The following CSE1L variants were observed in gnomAD, a reference collection of about 807,000 sequenced individuals.
The protein encoded by CSE1L is exportin-2.
Under a neutral mutation model 120.4 loss-of-function variants are expected in CSE1L, and 24 were observed. That is an observed-to-expected ratio of 0.20 (90% CI 0.14 to 0.28). The LOEUF is 0.28. Among genes scored for constraint, CSE1L ranks in the 10% least tolerant of loss-of-function variants. The pLI, the probability that CSE1L is intolerant of heterozygous loss-of-function variation, is 1.00. For missense variants in CSE1L, 830 were observed against 1,145.2 expected (o/e 0.72, Z 3.97); for synonymous variants, 402 against 398.3 (o/e 1.01, Z -0.11).
chr20:49,047,559 C>CTTTTTT (rs1568757225), intron 1 of CSE1L, among the ~76,000 whole-genome samples: 2 of 61,096 alleles, frequency 3.3e-5, no homozygotes, highest in African/African-American at 6.7e-5. Context: ...TTTCTTTTCT[C>CTTTTTT]TTTTCTTTTT....
intron 2 of CSE1L, among the ~76,000 whole-genome samples, chr20:49,061,216 AG>A (rs2091850198): frequency 7.9e-6 from 1 of 126,516 alleles, no homozygotes; most frequent in Non-Finnish European, 1.6e-5. Context: ...TCTGTCGCCC[AG>A]GCTAGAGTGC....
chr20:49,075,535 TGTG>T lies in CSE1L; in HGVS notation c.1335+18_1335+20del. On this transcript the variant is annotated intron_variant, in intron 12 of 24. Transcript: ENST00000262982. The stretch of plus-strand genomic sequence containing the variant: ...AAACACAGAAGGTAAATATTTTTAA[TGTG>T]GTTTTGTTTCTAAAACAGACATCAG... 1.2e-6 allele frequency: 2 copies of T among 1,610,158 alleles called. No homozygotes were observed. The highest frequency in any genetic ancestry group is 1.7e-6 in the Non-Finnish European group (2 of 1,176,604).
intron 2 of CSE1L, 93 bp from the exon 3 acceptor site, chr20:49,063,104 TTTCTC>T: frequency 1.7e-6 from 1 of 597,758 alleles, no homozygotes; most frequent in Admixed American, 4.6e-5. Context: ...AACCTAATCT[TTTCTC>T]TTTTTTTGAT....
At position 49,074,389 on chromosome 20, in the gene CSE1L, CTACTT is replaced by C. The variant is rs2091955433; in HGVS notation, c.1067-395_1067-391del. ...CCGGCCATTTCTGACATTGTCCACT[CTACTT>C]ATTTGTTGTTGAAATGACTTTAATG... On this transcript the variant is annotated intron_variant, in intron 10 of 24. Coordinates refer to ENST00000262982, the MANE Select transcript of CSE1L (RefSeq NM_001316.4). Among the ~76,000 whole-genome samples, 7 of 152,004 alleles carry C rather than the reference CTACTT, an allele frequency of 4.6e-5. No homozygotes were observed. The South Asian group carries it at 1.5e-3, about 32-fold the overall frequency.
At chr20:49,078,540 G>T in intron 13 of CSE1L, 21 bp from the exon 14 acceptor site, 1 of 1,530,410 alleles carries the variant, frequency 6.5e-7, no homozygotes, top group African/African-American at 1.4e-5. Context: ...AGTAACTGTG[G>T]CTTTCTGTTT....
chr20:49,056,587 A>T (rs2123661373), intron 1 of CSE1L, among the ~76,000 whole-genome samples: 1 of 152,222 alleles, frequency 6.6e-6, no homozygotes, highest in Admixed American at 6.5e-5. Context: ...TCTCACCAAC[A>T]AGTTGGAGAC....
In CSE1L at chr20:49,048,556, T is replaced by C. The variant is rs563492078; in HGVS notation, c.-12+2133T>C. On this transcript the variant is annotated intron_variant, in intron 1 of 24. Coordinates refer to ENST00000262982, the MANE Select transcript of CSE1L (RefSeq NM_001316.4). Reference sequence around the variant, plus strand: ...GTGACATTTGGGTAGAGACCAGCCATTAAAAGGTGAGGGGCAGAACATTCC... The same window carrying C: ...GTGACATTTGGGTAGAGACCAGCCACTAAAAGGTGAGGGGCAGAACATTCC... 7.2e-5 allele frequency among the ~76,000 whole-genome samples: 11 copies of C among 152,130 alleles called. 1 individual carries two copies. The East Asian group carries it at 2.1e-3, about 29-fold the overall frequency.
At chr20:49,075,230 T>C (rs2091960766) in intron 11 of CSE1L, 88 bp from the exon 12 acceptor site, 1 of 1,101,502 alleles carries the variant, frequency 9.1e-7, no homozygotes, top group Admixed American at 2.4e-5. Flanking sequence ...AGCCAAATTA[T>C]TCCAGGCAAT....
At chr20:49,087,911 T>G in intron 16 of CSE1L, 98 bp from the exon 17 acceptor site, 3 of 706,956 alleles carry the variant, frequency 4.2e-6, no homozygotes, top group Non-Finnish European at 4.7e-6. Context: ...ATCTTAAAAT[T>G]TAGTTGATGA....
intron 1 of CSE1L, among the ~76,000 whole-genome samples, chr20:49,046,679 G>A (rs1434115482): frequency 6.6e-6 from 1 of 152,240 alleles, no homozygotes; most frequent in African/African-American, 2.4e-5. Flanking sequence ...AGGGCTGAGG[G>A]CAACTGAGGC....
chr20:49,072,096 T>C (rs1420567687), intron 8 of CSE1L, among the ~76,000 whole-genome samples, 190 bp from the exon 9 acceptor site: 1 of 152,002 alleles, frequency 6.6e-6, no homozygotes, highest in African/African-American at 2.4e-5. Flanking sequence ...AATACGGAAA[T>C]ATTTTGTAAT....
chr20:49,069,695 AGAAGTCAGGTTTAAT>A (rs2091918214), intron 7 of CSE1L, among the ~76,000 whole-genome samples: 1 of 152,220 alleles, frequency 6.6e-6, no homozygotes, highest in Non-Finnish European at 1.5e-5. Flanking sequence ...TTGAATTCTG[AGAAGTCAGGTTTAAT>A]GAAGCTCTTG....
Position 49,072,440 on chromosome 20 carries a change from T to C in CSE1L, c.923T>C (p.Val308Ala). 6.2e-7 allele frequency: 1 copy of C among 1,613,966 alleles called. No homozygotes were observed. Among genetic ancestry groups the C allele is most frequent in the Non-Finnish European group, 8.5e-7 (1 of 1,179,892 alleles). ...TTACTAGTTACAACGGGTCAAGAGGTTAAATATGATTTGGTAAGATGATGG... is the reference window on the plus strand; with the variant it reads ...TTACTAGTTACAACGGGTCAAGAGGCTAAATATGATTTGGTAAGATGATGG... Reference protein sequence around the residue: ...WNLLVTTGQEVKYDLLVSNAI... With the variant: ...WNLLVTTGQEAKYDLLVSNAI... Residue 308 changes from valine (V) to alanine (A), a missense_variant, in exon 9 of 25, where the codon GTT becomes GCT. By Grantham distance (64) the Val-to-Ala change is moderately conservative. Around this residue, in one of 4 missense-constraint regions of CSE1L, gnomAD observed 543 missense variants for 640.2 expected, o/e 0.85. Transcript: ENST00000262982.
chr20:49,067,328 C>A lies in CSE1L; in HGVS notation c.567+48C>A, dbSNP rs115992515. ...ATTTTTAAATTAATATTTTAAATTG[C>A]TTGAATGTTTGTATACATGTTAAGA... On this transcript the variant is annotated intron_variant, in intron 6 of 24. Coordinates refer to ENST00000262982, the MANE Select transcript of CSE1L (RefSeq NM_001316.4). The A allele has an allele frequency of 5.7e-4, 704 of 1,238,942 alleles. 4 individuals carry two copies. In the African/African-American group the frequency reaches 5.7e-3, roughly 10 times the overall value. 76.7% of individuals were successfully genotyped at this position (1,238,942 alleles called of 1,614,324 possible). A position where few individuals can be genotyped will look rare whatever the true frequency, so the allele number is the denominator to read the frequency against.
chr20:49,054,208 A>AT (rs1268294456), intron 1 of CSE1L, among the ~76,000 whole-genome samples: 1 of 152,240 alleles, frequency 6.6e-6, no homozygotes, highest in African/African-American at 2.4e-5. Context: ...CAGTCAGAAC[A>AT]TTAGCTTCCT....
chr20:49,082,211 A>AT lies in CSE1L; in HGVS notation c.1483-1806dup, dbSNP rs1287291535. Among the ~76,000 whole-genome samples the AT allele has an allele frequency of 4.7e-5, 7 of 148,700 alleles. No individual in the cohort carries two copies. In the East Asian group the frequency reaches 6.0e-4, roughly 13 times the overall value. ...ATTATTTAGTATGCTGTAGGTTTTA[A>AT]TTTTTTTTTAGATGGAGTCTTGCTC... On this transcript the variant is annotated intron_variant, in intron 14 of 24. Coordinates refer to ENST00000262982, the MANE Select transcript of CSE1L (RefSeq NM_001316.4).
chr20:49,048,193 C>T (rs1036306418), intron 1 of CSE1L, among the ~76,000 whole-genome samples: 5 of 147,822 alleles, frequency 3.4e-5, no homozygotes, highest in Non-Finnish European at 7.4e-5. Flanking sequence ...CCTAATGGAC[C>T]TCGTCTCTCC....
chr20:49,087,363 T>TC (rs1423072639), intron 16 of CSE1L, among the ~76,000 whole-genome samples: 2 of 147,706 alleles, frequency 1.4e-5, no homozygotes, highest in East Asian at 3.9e-4. Flanking sequence ...TTTTTTTTTT[T>TC]TTTTTTGAGA....
intron 14 of CSE1L, 69 bp from the exon 15 acceptor site, chr20:49,083,957 C>T (rs2092033302): frequency 6.8e-7 from 1 of 1,472,336 alleles, no homozygotes; most frequent in Non-Finnish European, 9.3e-7. Flanking sequence ...AGGTCCTTCT[C>T]TTCCAATTGT....
Sources: allele counts gnomAD v4.1 joint callset (sites outside exome capture counted in the v4.1 genomes callset), GRCh38; gene constraint gnomAD v4.1.1; regional missense constraint gnomAD v4.1.1; transcripts MANE v1.5; gene names NCBI Gene and HGNC (gene_info 2026-07-23, HGNC 2026-07-21).